The following CACNA2D1 variants were observed in gnomAD, a reference collection of about 807,000 sequenced individuals.
CACNA2D1 encodes the protein calcium voltage-gated channel auxiliary subunit alpha2delta 1, also known as voltage-dependent calcium channel subunit alpha-2/delta-1.
CACNA2D1 carries 53 observed loss-of-function variants against 171.5 expected under a neutral mutation model. The observed-to-expected ratio is 0.31, with a 90% CI of 0.25 to 0.39. The LOEUF (loss-of-function observed/expected upper bound fraction) is 0.39. Among genes scored for constraint, CACNA2D1 ranks in the 10% least tolerant of loss-of-function variants. The pLI is 1.00. For missense variants in CACNA2D1, 903 were observed against 1,299.8 expected, an observed-to-expected ratio of 0.69 and a Z score of 4.69; for synonymous variants, 442 against 443.1, an observed-to-expected ratio of 1.00 and a Z score of 0.03.
chr7:82,207,647 C>G (rs533352991), intron 3 of CACNA2D1, among the ~76,000 whole-genome samples: 16 of 152,228 alleles, frequency 1.1e-4, no homozygotes, highest in African/African-American at 3.9e-4. Flanking sequence ...GTGCTACGGC[C>G]TTAATGAGGC....
At chr7:82,026,294 A>T (rs1339621340) in intron 12 of CACNA2D1, among the ~76,000 whole-genome samples, 1 of 151,538 alleles carries the variant, frequency 6.6e-6, no homozygotes, top group Non-Finnish European at 1.5e-5. Context: ...ATTATTATTG[A>T]TAAGACAAAA....
At chr7:82,420,241 C>A (rs1026034014) in intron 1 of CACNA2D1, among the ~76,000 whole-genome samples, 1 of 152,160 alleles carries the variant, frequency 6.6e-6, no homozygotes, top group Non-Finnish European at 1.5e-5. Context: ...TCACCAAATA[C>A]TACACAATGA....
chr7:82,075,693 A>C (rs74433628), intron 7 of CACNA2D1, among the ~76,000 whole-genome samples: 1 of 152,132 alleles, frequency 6.6e-6, no homozygotes, highest in Non-Finnish European at 1.5e-5. Flanking sequence ...TGATAGTGAT[A>C]GATTTCTTTA....
At chr7:82,363,238 T>C (rs540871994) in intron 1 of CACNA2D1, among the ~76,000 whole-genome samples, 21 of 149,696 alleles carry the variant, frequency 1.4e-4, no homozygotes, top group African/African-American at 5.2e-4. Flanking sequence ...ACTACCATAG[T>C]TTTATTTATT....
chr7:82,428,791 C>T (rs1203248879), intron 1 of CACNA2D1, among the ~76,000 whole-genome samples: 4 of 152,188 alleles, frequency 2.6e-5, no homozygotes, highest in Admixed American at 2.0e-4. Context: ...CAAGATCACA[C>T]AGGCTATACC....
chr7:81,956,554 G>A (rs1189443430), intron 38 of CACNA2D1, among the ~76,000 whole-genome samples: 2 of 152,056 alleles, frequency 1.3e-5, no homozygotes, highest in African/African-American at 4.8e-5. Flanking sequence ...ATGTGTATAT[G>A]AAGATATTAA....
intron 4 of CACNA2D1, among the ~76,000 whole-genome samples, chr7:82,165,346 C>T (rs886578341): frequency 1.3e-5 from 2 of 152,050 alleles, no homozygotes; most frequent in South Asian, 2.1e-4. Flanking sequence ...TGTACTATCA[C>T]GTACTATTGT....
intron 12 of CACNA2D1, chr7:82,027,806 A>G: frequency 6.6e-6 from 1 of 151,738 alleles, no homozygotes; most frequent in South Asian, 2.1e-4. Flanking sequence ...AGTGATCATT[A>G]TATCTGATAC....
At chr7:82,401,608 A>T (rs1055372392) in intron 1 of CACNA2D1, among the ~76,000 whole-genome samples, 3 of 151,614 alleles carry the variant, frequency 2.0e-5, no homozygotes, top group Admixed American at 2.0e-4. Context: ...CTAATGCTAG[A>T]TGACGAGTTA....
intron 4 of CACNA2D1, among the ~76,000 whole-genome samples, chr7:82,166,297 C>T (rs1028894902): frequency 2.0e-5 from 3 of 152,014 alleles, no homozygotes; most frequent in Admixed American, 6.6e-5. Flanking sequence ...GAAACATTTT[C>T]ACCTTCTAAT....
At chr7:81,989,121 A>G (rs960794388) in intron 21 of CACNA2D1, among the ~76,000 whole-genome samples, 1 of 152,196 alleles carries the variant, frequency 6.6e-6, no homozygotes, top group Admixed American at 6.5e-5. Context: ...AATTTCATAT[A>G]CAAAAGTTCT....
chr7:82,021,801 G>A lies in CACNA2D1; in HGVS notation c.1144-7322C>T, dbSNP rs148169493. Among the ~76,000 whole-genome samples the A allele has an allele frequency of 7.9e-5, 12 of 152,132 alleles. No homozygotes were observed. In the East Asian group the frequency reaches 2.3e-3, roughly 29 times the overall value. On this transcript the variant is annotated intron_variant, in intron 12 of 38. Coordinates refer to ENST00000356860, the MANE Select transcript of CACNA2D1 (RefSeq NM_000722.4). ...ATGATAAAGGGGATGTCTGGGGAAA[G>A]AGACAACTGTAGAAAGGTTGACTGG...
At chr7:82,349,781 A>C in intron 1 of CACNA2D1, 132 bp from the exon 2 acceptor site, 2 of 750,110 alleles carry the variant, frequency 2.7e-6, no homozygotes, top group Non-Finnish European at 4.7e-6. Context: ...CCTAGCACCG[A>C]CTATGTCCAC....
Position 82,032,300 on chromosome 7 carries a change from TGAAAG to T in CACNA2D1, c.1143+492_1143+496del, listed in dbSNP as rs146377103. On this transcript the variant is annotated intron_variant, in intron 12 of 38. Coordinates refer to ENST00000356860, the MANE Select transcript of CACNA2D1 (RefSeq NM_000722.4). ...AAAAGGATTTGTCTTCATCTTTTCT[TGAAAG>T]GAATCAGTTTTCAAATGAGGATGTA... Among the ~76,000 whole-genome samples, 670 of 152,072 alleles carry T rather than the reference TGAAAG, an allele frequency of 4.4e-3. 6 individuals carry two copies. The highest frequency in any genetic ancestry group is 0.015 in the African/African-American group (640 of 41,558).
In CACNA2D1 at chr7:82,002,909, C is replaced by T. The variant is rs373324391; in HGVS notation, c.1590+2514G>A. Among the ~76,000 whole-genome samples the T allele has an allele frequency of 5.3e-5, 8 of 151,692 alleles. No individual in the cohort carries two copies. The East Asian group carries it at 1.2e-3, about 22-fold the overall frequency. On this transcript the variant is annotated intron_variant, in intron 18 of 38. Transcript: ENST00000356860. ...AAAAAAAAGAGGAATACTTGCATAA[C>T]ATTAGACTTTCACCTTGTTAAATAA... is the stretch of plus-strand genomic sequence containing the variant.
intron 3 of CACNA2D1, among the ~76,000 whole-genome samples, chr7:82,307,292 T>G (rs899556311): frequency 1.4e-4 from 21 of 151,964 alleles, no homozygotes; most frequent in Non-Finnish European, 1.5e-4. Flanking sequence ...TAGCTGGAAT[T>G]TACAGGTATG....
intron 1 of CACNA2D1, among the ~76,000 whole-genome samples, chr7:82,392,913 TAC>T (rs1825301859): frequency 6.6e-6 from 1 of 151,932 alleles, no homozygotes; most frequent in Non-Finnish European, 1.5e-5. Flanking sequence ...CCCTGAAAGA[TAC>T]AGTTATCCCT....
chr7:82,202,453 G>A (rs1481519272), intron 3 of CACNA2D1, among the ~76,000 whole-genome samples: 1 of 152,254 alleles, frequency 6.6e-6, no homozygotes, highest in Non-Finnish European at 1.5e-5. Flanking sequence ...GTGGCCGGTG[G>A]CAGCTTACTG....
At chr7:82,386,575 ATACAAAAAT>A (rs1334416789) in intron 1 of CACNA2D1, among the ~76,000 whole-genome samples, 3 of 151,972 alleles carry the variant, frequency 2.0e-5, no homozygotes, top group Non-Finnish European at 4.4e-5. Flanking sequence ...TCTACTAAAA[ATACAAAAAT>A]TAGCCAGGCG....
Sources: allele counts gnomAD v4.1 joint callset (sites outside exome capture counted in the v4.1 genomes callset), GRCh38; gene constraint gnomAD v4.1.1; transcripts MANE v1.5; gene names NCBI Gene and HGNC (gene_info 2026-07-23, HGNC 2026-07-21).